Variants in RIN2 observed in about 807,000 individuals in gnomAD.
The protein encoded by RIN2 is RAB5 interacting protein 2.
A neutral mutation model predicts 78.0 loss-of-function variants in RIN2; 36 were observed. That is an observed-to-expected ratio of 0.46 (90% CI 0.35 to 0.61). The LOEUF is 0.61. Among genes scored for constraint, RIN2 ranks in the 20% least tolerant of loss-of-function variants. The probability of loss-of-function intolerance (pLI) is 0.00; values close to 1 mark genes in which losing one functional copy is unlikely to be tolerated. For missense variants in RIN2, 1,087 were observed against 1,159.7 expected, an observed-to-expected ratio of 0.94 and a Z score of 0.91; for synonymous variants, 466 against 466.8, an observed-to-expected ratio of 1.00 and a Z score of 0.02.
chr20:19,903,008 G>A (rs892674963), intron 3 of RIN2, among the ~76,000 whole-genome samples: 20 of 152,214 alleles, frequency 1.3e-4, no homozygotes, highest in Non-Finnish European at 2.2e-4. Context: ...CAGGAGAATG[G>A]CATGAACTCA....
chr20:19,995,260 T>TA lies in RIN2; in HGVS notation c.2201-1419_2201-1418insA, dbSNP rs1601086319. Among the ~76,000 whole-genome samples, 266 of 118,514 alleles carry TA rather than the reference T, an allele frequency of 2.2e-3. 2 individuals are homozygous for TA. Among genetic ancestry groups the TA allele is most frequent in the Middle Eastern group, 3.9e-3 (1 of 258 alleles). The allele number at this position is 118,514 out of a possible 152,430, so 77.7% of individuals were successfully genotyped here. ...TAAATTGCCAGTGTCTGTTTTTTTT[T>TA]TAAAAAAAAAAAAAAAAACAAAACA... is the stretch of plus-strand genomic sequence containing the variant. On this transcript the variant is annotated intron_variant, in intron 11 of 12. Coordinates refer to ENST00000255006, the MANE Select transcript of RIN2 (RefSeq NM_018993.4).
In RIN2 at chr20:20,000,772, G is replaced by C. The variant is rs777247848; in HGVS notation, c.2524G>C (p.Glu842Gln). 7 of 1,613,952 alleles carry C rather than the reference G, an allele frequency of 4.3e-6. No homozygotes were observed. The highest frequency in any genetic ancestry group is 5.9e-6 in the Non-Finnish European group (7 of 1,179,888). Residue 842 changes from glutamate to glutamine, a missense_variant, in exon 13 of 13, where the codon GAG becomes CAG. By Grantham distance (29) the Glu-to-Gln change is conservative. Transcript: ENST00000255006. ...EEYSLFLFVD[E>Q]TWQQLAEDTY... is the part of the protein sequence containing the mutation. The stretch of plus-strand genomic sequence containing the variant: ...GTACAGCCTCTTTCTCTTCGTTGAC[G>C]AGACATGGCAGCAGCTGGCAGAGGA...
At chr20:19,893,699 C>A (rs946241028) in intron 3 of RIN2, among the ~76,000 whole-genome samples, 2 of 152,172 alleles carry the variant, frequency 1.3e-5, no homozygotes, top group South Asian at 4.1e-4. Flanking sequence ...TGCAGATAAA[C>A]CCATTTTCCA....
At chr20:19,899,053 G>A (rs1407967329) in intron 3 of RIN2, among the ~76,000 whole-genome samples, 1 of 152,154 alleles carries the variant, frequency 6.6e-6, no homozygotes, top group South Asian at 2.1e-4. Context: ...CTATTTCCAA[G>A]TCTGAGTGTT....
At chr20:19,974,221 C>A (rs1380005617) in intron 8 of RIN2, among the ~76,000 whole-genome samples, 1 of 152,216 alleles carries the variant, frequency 6.6e-6, no homozygotes, top group African/African-American at 2.4e-5. Flanking sequence ...TGGCTGGCAG[C>A]TGCACTGTGG....
intron 2 of RIN2, among the ~76,000 whole-genome samples, chr20:19,883,708 G>C (rs2038095805): frequency 6.6e-6 from 1 of 152,092 alleles, no homozygotes; most frequent in Non-Finnish European, 1.5e-5. Context: ...CACATGGCCA[G>C]TAACTACATG....
At chr20:19,810,683 CTTTTTTTTTTTTTT>C (rs535994979) in intron 2 of RIN2, among the ~76,000 whole-genome samples, 12 of 99,628 alleles carry the variant, frequency 1.2e-4, no homozygotes, top group African/African-American at 4.1e-4. Context: ...TTATAAGGTA[CTTTTTTTTTTTTTT>C]TTTTTTTTTT....
intron 2 of RIN2, among the ~76,000 whole-genome samples, chr20:19,801,559 G>A (rs1245017924): frequency 6.6e-6 from 1 of 152,020 alleles, no homozygotes; most frequent in Non-Finnish European, 1.5e-5. Flanking sequence ...CTGACCTCGT[G>A]ATCCGCCCGC....
chr20:19,950,914 G>C (rs2041288471), intron 4 of RIN2, among the ~76,000 whole-genome samples: 1 of 147,428 alleles, frequency 6.8e-6, no homozygotes, highest in African/African-American at 2.5e-5. Context: ...TTTTGGGACA[G>C]AGTCTAACTC....
intron 2 of RIN2, among the ~76,000 whole-genome samples, chr20:19,875,445 G>A (rs942552397): frequency 6.6e-6 from 1 of 152,104 alleles, no homozygotes; most frequent in Non-Finnish European, 1.5e-5. Context: ...GATTACAGGC[G>A]TGAGCCACTG....
intron 3 of RIN2, among the ~76,000 whole-genome samples, chr20:19,914,894 G>A (rs1045382370): frequency 1.3e-5 from 2 of 152,158 alleles, no homozygotes; most frequent in Non-Finnish European, 2.9e-5. Context: ...AGGGAGAGAT[G>A]AGACTAAGGT....
intron 1 of RIN2, among the ~76,000 whole-genome samples, chr20:19,762,918 C>A (rs916546030): frequency 6.6e-6 from 1 of 152,024 alleles, no homozygotes; most frequent in Admixed American, 6.5e-5. Flanking sequence ...TGCCCGCCAC[C>A]ACACCTGGCT....
Position 19,893,374 on chromosome 20 carries a change from C to T in RIN2, c.57+3716C>T, listed in dbSNP as rs138235869. Among the ~76,000 whole-genome samples the T allele has an allele frequency of 8.2e-4, 125 of 152,276 alleles. 3 individuals carry two copies. The highest frequency in any genetic ancestry group is 3.0e-3 in the African/African-American group (123 of 41,550). On this transcript the variant is annotated intron_variant, in intron 3 of 12. Transcript: ENST00000255006. The stretch of plus-strand genomic sequence containing the variant: ...AGCTGAATTCCACATGAGTATTATC[C>T]CTCTCTTGGCTATTAGTGCTCACGT...
chr20:19,790,382 C>T (rs897750302), intron 1 of RIN2, among the ~76,000 whole-genome samples: 7 of 152,174 alleles, frequency 4.6e-5, no homozygotes, highest in African/African-American at 1.7e-4. Context: ...CTTTCATTCT[C>T]TATTTGTGTA....
rs867877329 is a variant in RIN2 at position 19,869,552 on chromosome 20, C to T, written c.-36-20014C>T. Among the ~76,000 whole-genome samples the T allele has an allele frequency of 1.1e-4, 16 of 152,268 alleles. No homozygotes were observed. The Middle Eastern group carries it at 0.01, about 98-fold the overall frequency. ...CCATGCCACTCCATGAAGCCTCCACCCTCACCCTGGACTTTAGGCCATCCC... is the reference window on the plus strand; with the variant it reads ...CCATGCCACTCCATGAAGCCTCCACTCTCACCCTGGACTTTAGGCCATCCC... On this transcript the variant is annotated intron_variant, in intron 2 of 12. Coordinates refer to ENST00000255006, the MANE Select transcript of RIN2 (RefSeq NM_018993.4).
At chr20:19,851,093 GAAGGAAAGAGA>G (rs2036966687) in intron 2 of RIN2, among the ~76,000 whole-genome samples, 1 of 151,898 alleles carries the variant, frequency 6.6e-6, no homozygotes, top group African/African-American at 2.4e-5. Context: ...AGGTAGGAAG[GAAGGAAAGAGA>G]AGAGAAGAGA....
intron 4 of RIN2, among the ~76,000 whole-genome samples, chr20:19,944,550 G>T (rs1477446440): frequency 1.3e-5 from 2 of 152,186 alleles, no homozygotes; most frequent in Non-Finnish European, 2.9e-5. Context: ...CCACATCCCA[G>T]GGTGTATCTT....
intron 3 of RIN2, among the ~76,000 whole-genome samples, chr20:19,908,090 C>T (rs145339540): frequency 1.3e-4 from 20 of 152,142 alleles, no homozygotes; most frequent in Non-Finnish European, 2.4e-4. Flanking sequence ...TCACCACAGT[C>T]GGGAGAGCTT....
At chr20:19,961,989 T>C (rs1390871247) in intron 6 of RIN2, among the ~76,000 whole-genome samples, 2 of 152,148 alleles carry the variant, frequency 1.3e-5, no homozygotes, top group South Asian at 2.1e-4. Context: ...AATTAAGTAA[T>C]TCTGAATTGG....
Sources: allele counts gnomAD v4.1 joint callset (sites outside exome capture counted in the v4.1 genomes callset), GRCh38; gene constraint gnomAD v4.1.1; transcripts MANE v1.5; gene names NCBI Gene and HGNC (gene_info 2026-07-23, HGNC 2026-07-21).